Variants in NDFIP2 observed in about 807,000 individuals in gnomAD.
NDFIP2 encodes the protein Nedd4 family interacting protein 2, also known as NEDD4 family-interacting protein 2.
A neutral mutation model predicts 36.0 loss-of-function variants in NDFIP2; 19 were observed. The observed-to-expected ratio is 0.53, with a 90% CI of 0.37 to 0.77. The LOEUF is 0.77. Ranked by LOEUF, NDFIP2 falls within the 30% of genes least tolerant of loss-of-function variation. The pLI is 0.00. For synonymous variants in NDFIP2, 181 were observed against 167.7 expected (o/e 1.08, Z -0.61); for missense variants, 446 against 435.8 (o/e 1.02, Z -0.21).
At chr13:79,508,361 T>G (rs912476961) in intron 1 of NDFIP2, among the ~76,000 whole-genome samples, 1 of 152,170 alleles carries the variant, frequency 6.6e-6, no homozygotes, top group Non-Finnish European at 1.5e-5. Flanking sequence ...AAGAAAGAAA[T>G]CAGGGTGAGT....
In NDFIP2 at chr13:79,553,303, T is replaced by G. The variant is rs1161873397; in HGVS notation, c.*790T>G. The G allele has an allele frequency of 1.3e-5, 2 of 151,306 alleles. No individual in the cohort carries two copies. The highest frequency in any genetic ancestry group is 2.4e-5 in the African/African-American group (1 of 41,374). 9.4% of individuals were successfully genotyped at this position (151,306 alleles called of 1,614,324 possible). On this transcript the variant is annotated 3_prime_UTR_variant, in exon 8 of 8. Transcript: ENST00000218652. ...AAAATGTGGGAATACCAAATGTCCT[T>G]TATAAGAAAAATAAATTTTATTTTA...
At chr13:79,481,632 T>G in intron 1 of NDFIP2, 108 bp downstream of exon 1, 1 of 1,350,640 alleles carries the variant, frequency 7.4e-7, no homozygotes, top group African/African-American at 1.5e-5. Context: ...TTTTTTTTGT[T>G]GTGTTTTGTT....
rs201628035 is a variant in NDFIP2 at position 79,482,169 on chromosome 13, C to T, written c.321+645C>T. The stretch of plus-strand genomic sequence containing the variant: ...CCACTTTTTCTTTCTTTCTTTCTTT[C>T]TTTTTTTTTTTTTTTTTTTTTTTTT... On this transcript the variant is annotated intron_variant, in intron 1 of 7. Coordinates refer to ENST00000218652, the MANE Select transcript of NDFIP2 (RefSeq NM_019080.3). Among the ~76,000 whole-genome samples the T allele has an allele frequency of 2.7e-3, 202 of 75,812 alleles. 3 individuals are homozygous for T. Among genetic ancestry groups the T allele is most frequent in the African/African-American group, 7.1e-3 (144 of 20,422 alleles). 49.7% of individuals were successfully genotyped at this position (75,812 alleles called of 152,430 possible). A position where few individuals can be genotyped will look rare whatever the true frequency, so the allele number is the denominator to read the frequency against.
At chr13:79,490,866 G>A (rs1466353420) in intron 1 of NDFIP2, among the ~76,000 whole-genome samples, 2 of 152,128 alleles carry the variant, frequency 1.3e-5, no homozygotes, top group East Asian at 1.9e-4. Context: ...CCTAGAATTG[G>A]GATGGATATG....
At chr13:79,521,976 G>A (rs6563116) in intron 2 of NDFIP2, among the ~76,000 whole-genome samples, 1 of 151,542 alleles carries the variant, frequency 6.6e-6, no homozygotes, top group South Asian at 2.1e-4. Flanking sequence ...AGGCGCCCAC[G>A]ACCACGCCTG....
intron 1 of NDFIP2, among the ~76,000 whole-genome samples, chr13:79,488,562 T>C (rs1360468111): frequency 6.6e-6 from 1 of 152,180 alleles, no homozygotes; most frequent in Non-Finnish European, 1.5e-5. Flanking sequence ...TTATAGCTTA[T>C]GTTTTTGAGT....
intron 1 of NDFIP2, among the ~76,000 whole-genome samples, chr13:79,499,871 A>G (rs902346237): frequency 6.6e-6 from 1 of 151,956 alleles, no homozygotes; most frequent in Non-Finnish European, 1.5e-5. Flanking sequence ...CACAAATTCT[A>G]TAATTTATAT....
intron 2 of NDFIP2, among the ~76,000 whole-genome samples, chr13:79,530,020 A>G (rs1296231862): frequency 6.6e-6 from 1 of 152,214 alleles, no homozygotes; most frequent in Non-Finnish European, 1.5e-5. Flanking sequence ...TTACTGCTAA[A>G]AGATACTAAT....
At chr13:79,497,413 C>T (rs1260285460) in intron 1 of NDFIP2, among the ~76,000 whole-genome samples, 1 of 151,924 alleles carries the variant, frequency 6.6e-6, no homozygotes, top group African/African-American at 2.4e-5. Flanking sequence ...TGTGGCTTTA[C>T]CTTAGAATAA....
chr13:79,517,133 A>T (rs1015867770), intron 1 of NDFIP2, among the ~76,000 whole-genome samples: 1 of 152,134 alleles, frequency 6.6e-6, no homozygotes, highest in Non-Finnish European at 1.5e-5. Flanking sequence ...ATTTCGGTTC[A>T]TTCACTATAC....
At chr13:79,537,273 A>C (rs990839427) in intron 3 of NDFIP2, among the ~76,000 whole-genome samples, 3 of 151,754 alleles carry the variant, frequency 2.0e-5, no homozygotes, top group Non-Finnish European at 2.9e-5. Context: ...ACATCTGGTT[A>C]ATTTGTTTTT....
At chr13:79,512,376 T>G (rs114858730) in intron 1 of NDFIP2, among the ~76,000 whole-genome samples, 2,295 of 152,298 alleles carry the variant, frequency 0.015, 39 homozygotes, top group African/African-American at 0.051. Context: ...AGCAGCTTTG[T>G]TATCAAGCAC....
At chr13:79,513,538 A>G (rs759638680) in intron 1 of NDFIP2, among the ~76,000 whole-genome samples, 16 of 152,180 alleles carry the variant, frequency 1.1e-4, no homozygotes, top group Non-Finnish European at 2.1e-4. Flanking sequence ...TGGGCTTTTC[A>G]TGATAAATTG....
At chr13:79,483,633 CACTT>C (rs1426650436) in intron 1 of NDFIP2, among the ~76,000 whole-genome samples, 7 of 152,274 alleles carry the variant, frequency 4.6e-5, no homozygotes, top group African/African-American at 1.2e-4. Context: ...GTTAATTTTT[CACTT>C]ACTTAAAGAG....
intron 1 of NDFIP2, among the ~76,000 whole-genome samples, chr13:79,520,318 G>A (rs1168000816): frequency 6.6e-6 from 1 of 152,124 alleles, no homozygotes; most frequent in Admixed American, 6.5e-5. Flanking sequence ...TTTGTAGTAT[G>A]TAATAACTCT....
At chr13:79,532,873 C>G (rs1875069798) in intron 2 of NDFIP2, among the ~76,000 whole-genome samples, 1 of 152,152 alleles carries the variant, frequency 6.6e-6, no homozygotes, top group South Asian at 2.1e-4. Context: ...ATGCTAAGAT[C>G]AATGTATACA....
rs376900357 is a variant in NDFIP2, at chr13:79,543,708, C to T, written c.840+26C>T. The T allele has an allele frequency of 4.9e-5, 79 of 1,603,798 alleles. No individual in the cohort carries two copies. In the African/African-American group the frequency reaches 1.0e-3, roughly 20 times the overall value. On this transcript the variant is annotated intron_variant, in intron 5 of 7. Transcript: ENST00000218652. ...GTGAGTGTCTTGATAGCCTGTATCT[C>T]TTTTATCTCTAAAATGAGATGTATG...
At chr13:79,513,616 G>A (rs1042341917) in intron 1 of NDFIP2, among the ~76,000 whole-genome samples, 2 of 152,030 alleles carry the variant, frequency 1.3e-5, no homozygotes, top group East Asian at 1.9e-4. Flanking sequence ...AGGGAGCAGC[G>A]TCCTGGAAGA....
intron 1 of NDFIP2, among the ~76,000 whole-genome samples, chr13:79,489,934 G>A (rs1873161224): frequency 6.6e-6 from 1 of 152,186 alleles, no homozygotes; most frequent in Non-Finnish European, 1.5e-5. Flanking sequence ...ATGAAAATGT[G>A]GGGCCCTGGC....
Sources: gnomAD v4.1 joint callset for allele counts (sites outside exome capture counted in the v4.1 genomes callset) on GRCh38, gnomAD v4.1.1 for gene constraint, MANE v1.5 for transcripts, NCBI Gene and HGNC (gene_info 2026-07-23, HGNC 2026-07-21) for gene names.